Variants in RAP1GAP observed in about 807,000 individuals in gnomAD.
The protein encoded by RAP1GAP is RAP1 GTPase activating protein.
In RAP1GAP, 35 loss-of-function variants were observed where a neutral mutation model predicts 87.2. The ratio of observed to expected loss-of-function variants is 0.40; its 90% CI spans 0.31 to 0.53. RAP1GAP has a LOEUF of 0.53. Ranked by LOEUF, RAP1GAP falls within the 20% of genes least tolerant of loss-of-function variation. The pLI is 0.48. For missense variants in RAP1GAP, 734 were observed against 898.9 expected (o/e 0.82, Z 2.35); for synonymous variants, 375 against 363.9 (o/e 1.03, Z -0.35).
At chr1:21,599,740 C>T in intron 20 of RAP1GAP, 123 bp from the exon 21 acceptor site, 1 of 1,350,928 alleles carries the variant, frequency 7.4e-7, no homozygotes, top group Non-Finnish European at 9.9e-7. Flanking sequence ...CCTTTGAGGA[C>T]CCCTTACAGA....
Position 21,610,249 on chromosome 1 carries a change from G to A in RAP1GAP, c.870C>T (p.Asn290=), listed in dbSNP as rs147844071. The change falls in exon 14 of 25, where the codon AAC becomes AAT. Residue 290 remains asparagine, a synonymous_variant. Transcript: ENST00000374765. The part of the protein sequence containing the change: ...QQLQRKRHIG[N]DIVAVVFQDE... ...CCTGGAAGACCACAGCCACGATGTC[G>A]TTCCCGATGTGCCGCTTCCGCTGCA... 1.4e-4 allele frequency: 229 copies of A among 1,613,958 alleles called. No individual in the cohort carries two copies. Among genetic ancestry groups the A allele is most frequent in the African/African-American group, 2.9e-4 (22 of 74,930 alleles).
chr1:21,623,701 A>G (rs1410266958), intron 3 of RAP1GAP, among the ~76,000 whole-genome samples: 1 of 152,238 alleles, frequency 6.6e-6, no homozygotes, highest in African/African-American at 2.4e-5. Context: ...TGTTCCAGAC[A>G]CGGTGTAGCT....
intron 1 of RAP1GAP, among the ~76,000 whole-genome samples, chr1:21,650,873 C>T (rs2096515739): frequency 6.6e-6 from 1 of 152,022 alleles, no homozygotes; most frequent in Admixed American, 6.5e-5. Flanking sequence ...TGAGCGTCCA[C>T]AAGGGGAAGG....
Position 21,622,315 on chromosome 1 carries a change from A to C in RAP1GAP, c.-18-2265T>G. 1 of 504,320 alleles carries C rather than the reference A, an allele frequency of 2.0e-6. No individual in the cohort carries two copies. The highest frequency in any genetic ancestry group is 3.5e-6 in the Non-Finnish European group (1 of 282,850). The allele number at this position is 504,320 out of a possible 1,614,324, so 31.2% of individuals were successfully genotyped here. On this transcript the variant is annotated intron_variant, in intron 3 of 24. Transcript: ENST00000374765. This position sits in a 1 kb window ranked among gnomAD's most constrained non-coding sequence, Gnocchi z 5.7. The stretch of plus-strand genomic sequence containing the variant: ...GACCCAGCCCCGGGGTCCCTCCGCC[A>C]TGCCGCCCCGCCCGGGTCCTCACCT...
chr1:21,664,118 C>T (rs1468825669), intron 1 of RAP1GAP, among the ~76,000 whole-genome samples: 1 of 152,230 alleles, frequency 6.6e-6, no homozygotes, highest in Non-Finnish European at 1.5e-5. Context: ...ACACAAGGTT[C>T]CTGACTTCCT....
At position 21,634,914 on chromosome 1, in the gene RAP1GAP, C is replaced by T. The variant is rs1046114705; in HGVS notation, c.-112-8517G>A. 3.5e-4 allele frequency: 63 copies of T among 178,750 alleles called. No individual in the cohort carries two copies. Among genetic ancestry groups the T allele is most frequent in the African/African-American group, 1.4e-3 (60 of 42,268 alleles). 11.1% of individuals were successfully genotyped at this position (178,750 alleles called of 1,614,324 possible). A position where few individuals can be genotyped will look rare whatever the true frequency, so the allele number is the denominator to read the frequency against. ...GAGGAGGAGTGACTCTGAGATGACC[C>T]GGCCGCAGGGCCTCTTCCTGCCGGG... is the stretch of plus-strand genomic sequence containing the variant. On this transcript the variant is annotated intron_variant, in intron 2 of 24. Transcript: ENST00000374765. This position sits in a 1 kb window ranked among gnomAD's most constrained non-coding sequence, Gnocchi z 4.1.
chr1:21,625,013 T>C (rs1462267631), intron 3 of RAP1GAP, among the ~76,000 whole-genome samples: 1 of 152,168 alleles, frequency 6.6e-6, no homozygotes, highest in Non-Finnish European at 1.5e-5. Context: ...AGGGCTGCCA[T>C]TGAGTCTCTC....
intron 5 of RAP1GAP, among the ~76,000 whole-genome samples, chr1:21,618,574 C>G (rs1388524947): frequency 6.6e-6 from 1 of 151,234 alleles, no homozygotes; most frequent in Non-Finnish European, 1.5e-5. Context: ...CCCTATCACT[C>G]CCTCCCCATC....
intron 17 of RAP1GAP, among the ~76,000 whole-genome samples, chr1:21,607,778 T>G (rs1490658577): frequency 1.3e-5 from 2 of 152,090 alleles, no homozygotes; most frequent in Admixed American, 1.3e-4. Flanking sequence ...AGGCAGACTA[T>G]GTCCCCAAGT....
chr1:21,605,945 C>CT (rs2074195127), intron 18 of RAP1GAP, 121 bp downstream of exon 18: 1 of 1,273,178 alleles, frequency 7.9e-7, no homozygotes, highest in Non-Finnish European at 1.1e-6. Flanking sequence ...AATCCAGAGC[C>CT]TAGGATGGGC....
At chr1:21,621,218 T>C (rs1337788302) in intron 3 of RAP1GAP, among the ~76,000 whole-genome samples, 2 of 152,148 alleles carry the variant, frequency 1.3e-5, no homozygotes, top group Non-Finnish European at 2.9e-5. Flanking sequence ...ACAAGAGGCA[T>C]GACAACACGC....
chr1:21,621,837 A>G (rs1263414906), intron 3 of RAP1GAP, among the ~76,000 whole-genome samples: 1 of 152,210 alleles, frequency 6.6e-6, no homozygotes, highest in Non-Finnish European at 1.5e-5. Context: ...ACCTTGTTGC[A>G]TTGGGAATCA....
rs1316961866 is a variant in RAP1GAP, at chr1:21,603,533, G to T, written c.1429-620C>A. 2 of 604,892 alleles carry T rather than the reference G, an allele frequency of 3.3e-6. No homozygotes were observed. The highest frequency in any genetic ancestry group is 5.9e-6 in the Non-Finnish European group (2 of 337,048). The allele number at this position is 604,892 out of a possible 1,614,324, so 37.5% of individuals were successfully genotyped here. On this transcript the variant is annotated intron_variant, in intron 18 of 24. Transcript: ENST00000374765. This position sits in a 1 kb window ranked among gnomAD's most constrained non-coding sequence, Gnocchi z 6.0. ...GCGCTCCATGCAGACCGGCGATATT[G>T]GGGGACGTGCGGCTGGGTGTAGGGC...
intron 2 of RAP1GAP, among the ~76,000 whole-genome samples, chr1:21,640,673 A>AC (rs2095434707): frequency 6.6e-6 from 1 of 151,944 alleles, no homozygotes; most frequent in Non-Finnish European, 1.5e-5. Flanking sequence ...CAGTTCCCTT[A>AC]CCCCCGACTA....
intron 1 of RAP1GAP, chr1:21,651,979 G>C (rs1341795108): frequency 1.6e-5 from 8 of 488,088 alleles, no homozygotes; most frequent in Non-Finnish European, 2.1e-5. Flanking sequence ...GGGGGCCGCC[G>C]GCGCAGAAAG....
chr1:21,616,197 T>C (rs1026487934), intron 7 of RAP1GAP, among the ~76,000 whole-genome samples: 1 of 116,634 alleles, frequency 8.6e-6, no homozygotes, highest in African/African-American at 3.1e-5. Flanking sequence ...ACACATACAA[T>C]GACTAGGAGC....
intron 1 of RAP1GAP, among the ~76,000 whole-genome samples, chr1:21,663,002 C>T (rs2097205004): frequency 6.6e-6 from 1 of 152,204 alleles, no homozygotes; most frequent in Admixed American, 6.5e-5. Context: ...TCCTAGAATT[C>T]CTGAGCTAGC....
Position 21,613,981 on chromosome 1 carries a change from C to A in RAP1GAP, c.395+5G>T. On this transcript the variant is annotated splice_donor_5th_base_variant and intron_variant, in intron 8 of 24. Transcript: ENST00000374765. This position sits in a 1 kb window ranked among gnomAD's most constrained non-coding sequence, Gnocchi z 4.7. ...GCCATCTCAGGACTCCCCCACCACCCTCACCTGAGCAGCAGCCGCAGGTGC... is the reference window on the plus strand; with the variant it reads ...GCCATCTCAGGACTCCCCCACCACCATCACCTGAGCAGCAGCCGCAGGTGC... 6.3e-7 allele frequency: 1 copy of A among 1,595,474 alleles called. No individual in the cohort carries two copies. The highest frequency in any genetic ancestry group is 1.1e-5 in the South Asian group (1 of 89,604).
chr1:21,641,880 G>A lies in RAP1GAP; in HGVS notation c.-113+7881C>T, dbSNP rs114426466. On this transcript the variant is annotated intron_variant, in intron 2 of 24. Coordinates refer to ENST00000374765, the MANE Select transcript of RAP1GAP (RefSeq NM_002885.4). ...TGAAAATGAGCCTCTGAGAGGGAGG[G>A]TGATGTTTCTCTAGGTCACTTGGGT... is the stretch of plus-strand genomic sequence containing the variant. Among the ~76,000 whole-genome samples, 1,041 of 152,284 alleles carry A rather than the reference G, an allele frequency of 6.8e-3. 14 individuals carry two copies. The highest frequency in any genetic ancestry group is 0.023 in the African/African-American group (976 of 41,540).
Sources: allele counts gnomAD v4.1 joint callset (sites outside exome capture counted in the v4.1 genomes callset), GRCh38; gene constraint gnomAD v4.1.1; non-coding constraint Gnocchi (gnomAD v3.1); transcripts MANE v1.5; gene names NCBI Gene and HGNC (gene_info 2026-07-23, HGNC 2026-07-21).